AKAP6: variants seen among roughly 807,000 people sequenced by gnomAD.
The protein encoded by AKAP6 is A-kinase anchoring protein 6, also known as A-kinase anchor protein 6.
AKAP6 carries 58 observed loss-of-function variants against 188.5 expected under a neutral mutation model. That is an observed-to-expected ratio of 0.31 (90% confidence interval 0.25 to 0.38). The LOEUF is 0.38. Among genes scored for constraint, AKAP6 ranks in the 10% least tolerant of loss-of-function variants. AKAP6 has a pLI of 1.00. For synonymous variants in AKAP6, 989 were observed against 998.6 expected, an observed-to-expected ratio of 0.99 and a Z score of 0.18; for missense variants, 2,710 against 2,740.0, an observed-to-expected ratio of 0.99 and a Z score of 0.24.
chr14:32,669,656 G>T (rs1889096399), intron 7 of AKAP6, among the ~76,000 whole-genome samples: 1 of 152,146 alleles, frequency 6.6e-6, no homozygotes, highest in Non-Finnish European at 1.5e-5. Flanking sequence ...ACATACCCAA[G>T]ACTGAATAAT....
chr14:32,385,271 G>A (rs1030057945), intron 1 of AKAP6: 1 of 152,024 alleles, frequency 6.6e-6, no homozygotes, highest in Non-Finnish European at 1.5e-5. Context: ...CAGAATTCAG[G>A]TCCCATAGCC....
At chr14:32,452,364 TCC>T (rs1890971536) in intron 2 of AKAP6, among the ~76,000 whole-genome samples, 2 of 152,226 alleles carry the variant, frequency 1.3e-5, no homozygotes, top group Non-Finnish European at 2.9e-5. Flanking sequence ...TGCATATTAA[TCC>T]ACTGCCTGGC....
In AKAP6 at chr14:32,822,376, T is replaced by C; in HGVS notation, c.4563T>C (p.Asp1521=). The change falls in exon 13 of 14, where the codon GAT becomes GAC. Residue 1521 remains aspartate, a synonymous_variant. Coordinates refer to ENST00000280979, the MANE Select transcript of AKAP6 (RefSeq NM_004274.5). ...SKHQTTELQP[D]VPPHERILAS... ...ATCAGACTACAGAGTTACAACCAGA[T>C]GTACCTCCCCATGAAAGGATTTTGG... The C allele has an allele frequency of 6.2e-7, 1 of 1,613,958 alleles. No individual in the cohort carries two copies. The highest frequency in any genetic ancestry group is 8.5e-7 in the Non-Finnish European group (1 of 1,179,932).
intron 12 of AKAP6, among the ~76,000 whole-genome samples, chr14:32,803,121 T>C (rs1254665836): frequency 6.6e-6 from 1 of 151,804 alleles, no homozygotes; most frequent in East Asian, 2.0e-4. Flanking sequence ...TCTTAAAAGA[T>C]TTTTTAAAAG....
chr14:32,636,078 C>G (rs981018939), intron 7 of AKAP6, among the ~76,000 whole-genome samples: 2 of 152,060 alleles, frequency 1.3e-5, no homozygotes, highest in African/African-American at 4.8e-5. Flanking sequence ...ATGTTTTGCA[C>G]TTATTTTTAA....
rs535963809 is a variant in AKAP6, at chr14:32,521,538, CACT to C, written c.325-14014_325-14012del. ...AAAAATCACAAGCATTCCTATACAC[CACT>C]AACAGACAAACAGAGAGCCAAATCA... is the stretch of plus-strand genomic sequence containing the variant. On this transcript the variant is annotated intron_variant, in intron 2 of 13. Transcript: ENST00000280979. 1.2e-3 allele frequency among the ~76,000 whole-genome samples: 177 copies of C among 152,242 alleles called. 1 individual carries two copies. In the South Asian group the frequency reaches 0.02, roughly 17 times the overall value.
intron 7 of AKAP6, among the ~76,000 whole-genome samples, chr14:32,673,061 C>G (rs1181864055): frequency 6.6e-6 from 1 of 152,178 alleles, no homozygotes; most frequent in Non-Finnish European, 1.5e-5. Flanking sequence ...GCTCCAGCCA[C>G]CATTCTCTGA....
intron 7 of AKAP6, among the ~76,000 whole-genome samples, chr14:32,639,288 A>G (rs989585669): frequency 1.3e-5 from 2 of 152,116 alleles, no homozygotes; most frequent in East Asian, 3.9e-4. Context: ...GAATAGAGAT[A>G]TTTGTTCTCA....
In AKAP6 at chr14:32,497,639, A is replaced by G. The variant is rs551549591; in HGVS notation, c.325-37915A>G. On this transcript the variant is annotated intron_variant, in intron 2 of 13. Coordinates refer to ENST00000280979, the MANE Select transcript of AKAP6 (RefSeq NM_004274.5). ...ATTTACCTAAAATGGCACTAGGTCA[A>G]GTTGGTTGCTAGTGTTGTTCACATC... Among the ~76,000 whole-genome samples, 12 of 152,164 alleles carry G rather than the reference A, an allele frequency of 7.9e-5. No homozygotes were observed. The South Asian group carries it at 2.5e-3, about 32-fold the overall frequency.
chr14:32,594,848 T>C (rs1485356786), intron 5 of AKAP6, among the ~76,000 whole-genome samples: 1 of 152,200 alleles, frequency 6.6e-6, no homozygotes, highest in Non-Finnish European at 1.5e-5. Flanking sequence ...TCAGCATATA[T>C]ACCATCTCTT....
At chr14:32,609,126 A>G (rs1371910556) in intron 7 of AKAP6, among the ~76,000 whole-genome samples, 1 of 152,124 alleles carries the variant, frequency 6.6e-6, no homozygotes, top group Non-Finnish European at 1.5e-5. Context: ...TGAGTCATCT[A>G]GGCCTTCTTA....
At chr14:32,330,462 C>T (rs1288670440) in intron 1 of AKAP6, among the ~76,000 whole-genome samples, 1 of 151,864 alleles carries the variant, frequency 6.6e-6, no homozygotes, top group African/African-American at 2.4e-5. Context: ...AATGGATTTC[C>T]CTGGTACAGC....
intron 1 of AKAP6, among the ~76,000 whole-genome samples, chr14:32,354,078 T>C (rs934978263): frequency 1.3e-5 from 2 of 152,096 alleles, no homozygotes; most frequent in African/African-American, 2.4e-5. Context: ...AAGCTACCAA[T>C]GACTTTGTTC....
At chr14:32,664,185 T>G (rs1380643005) in intron 7 of AKAP6, among the ~76,000 whole-genome samples, 1 of 152,104 alleles carries the variant, frequency 6.6e-6, no homozygotes, top group Non-Finnish European at 1.5e-5. Context: ...ATTTTTTAAG[T>G]CTCCTCTGAA....
chr14:32,675,134 T>A (rs1216010668), intron 7 of AKAP6, among the ~76,000 whole-genome samples: 1 of 152,210 alleles, frequency 6.6e-6, no homozygotes, highest in African/African-American at 2.4e-5. Flanking sequence ...GAATATCTCA[T>A]TCTGAGCATC....
intron 12 of AKAP6, among the ~76,000 whole-genome samples, chr14:32,791,860 C>T (rs1195095699): frequency 6.6e-6 from 1 of 152,136 alleles, no homozygotes; most frequent in African/African-American, 2.4e-5. Flanking sequence ...TTTCCCAGCA[C>T]CATTTATTAT....
intron 11 of AKAP6, among the ~76,000 whole-genome samples, chr14:32,771,888 TATTTA>T (rs925956459): frequency 3.3e-5 from 5 of 152,196 alleles, no homozygotes; most frequent in African/African-American, 1.2e-4. Context: ...TTAATATTAA[TATTTA>T]TAGGACTCAC....
At chr14:32,504,789 T>C (rs970838149) in intron 2 of AKAP6, among the ~76,000 whole-genome samples, 4 of 152,226 alleles carry the variant, frequency 2.6e-5, no homozygotes, top group African/African-American at 9.6e-5. Context: ...CAGATCTTCA[T>C]GGCTGACAAC....
At chr14:32,378,990 T>C (rs1056051496) in intron 1 of AKAP6, among the ~76,000 whole-genome samples, 15 of 150,950 alleles carry the variant, frequency 9.9e-5, no homozygotes, top group Non-Finnish European at 1.5e-4. Context: ...GCGGTCTTGG[T>C]TCACTGCAAC....
Sources: gnomAD v4.1 joint callset for allele counts (sites outside exome capture counted in the v4.1 genomes callset) on GRCh38, gnomAD v4.1.1 for gene constraint, MANE v1.5 for transcripts, NCBI Gene and HGNC (gene_info 2026-07-23, HGNC 2026-07-21) for gene names.